The following CDH13 variants were observed in gnomAD, a reference collection of about 807,000 sequenced individuals.
CDH13 encodes cadherin-13.
In CDH13, 24 loss-of-function variants were observed where a neutral mutation model predicts 63.8. The ratio of observed to expected loss-of-function variants is 0.38; its 90% CI spans 0.27 to 0.53. CDH13 has a LOEUF of 0.53. CDH13 is among the 20% of genes least tolerant of loss of function. CDH13 has a pLI of 0.85. For missense variants in CDH13, 1,049 were observed against 903.1 expected (o/e 1.16, Z -2.07); for synonymous variants, 503 against 355.3 (o/e 1.42, Z -4.67).
At chr16:82,814,598 C>T (rs1364631873) in intron 1 of CDH13, among the ~76,000 whole-genome samples, 1 of 152,146 alleles carries the variant, frequency 6.6e-6, no homozygotes, top group East Asian at 1.9e-4. Context: ...CATACCTTTC[C>T]ACATACCTTT....
At chr16:83,608,216 A>T (rs1228656880) in intron 8 of CDH13, among the ~76,000 whole-genome samples, 1 of 152,234 alleles carries the variant, frequency 6.6e-6, no homozygotes, top group Non-Finnish European at 1.5e-5. Context: ...TAACATTATC[A>T]TACCTATAAT....
chr16:82,946,885 G>A (rs1904780605), intron 2 of CDH13, among the ~76,000 whole-genome samples: 1 of 152,098 alleles, frequency 6.6e-6, no homozygotes, highest in South Asian at 2.1e-4. Context: ...AGTGTTTTAA[G>A]CAGAATCTGC....
intron 1 of CDH13, among the ~76,000 whole-genome samples, chr16:82,820,557 T>G (rs940484880): frequency 9.2e-5 from 14 of 152,190 alleles, no homozygotes; most frequent in African/African-American, 3.1e-4. Flanking sequence ...CAGTTATTTT[T>G]AGAGCCCAGG....
chr16:83,298,316 A>G (rs1026622365), intron 5 of CDH13, among the ~76,000 whole-genome samples: 1 of 152,164 alleles, frequency 6.6e-6, no homozygotes, highest in African/African-American at 2.4e-5. Context: ...GGGAGGGAAC[A>G]TCAGTGCAGG....
chr16:83,159,453 G>A (rs369782502), intron 4 of CDH13, among the ~76,000 whole-genome samples: 13 of 152,132 alleles, frequency 8.5e-5, no homozygotes, highest in Non-Finnish European at 1.5e-4. Flanking sequence ...GTCTTGTGGC[G>A]TTTATTCTTT....
chr16:83,698,504 T>G (rs1297779013), intron 10 of CDH13, among the ~76,000 whole-genome samples: 4 of 152,222 alleles, frequency 2.6e-5, no homozygotes, highest in Non-Finnish European at 5.9e-5. Flanking sequence ...CTCAAGACAC[T>G]GCTTTCTTGG....
intron 1 of CDH13, among the ~76,000 whole-genome samples, chr16:82,830,546 G>C (rs978384180): frequency 3.3e-5 from 5 of 152,286 alleles, no homozygotes; most frequent in Admixed American, 2.0e-4. Flanking sequence ...TGAATGGTGA[G>C]GGGTGGGAGC....
At chr16:82,961,544 T>C (rs1465849718) in intron 2 of CDH13, among the ~76,000 whole-genome samples, 1 of 147,056 alleles carries the variant, frequency 6.8e-6, no homozygotes. Context: ...ATTCACAGTC[T>C]TTTGTCCATA....
At chr16:83,327,801 G>A (rs1334458157) in intron 5 of CDH13, among the ~76,000 whole-genome samples, 4 of 152,190 alleles carry the variant, frequency 2.6e-5, no homozygotes, top group African/African-American at 9.7e-5. Flanking sequence ...AGTCTTATAG[G>A]TGAGGAACCA....
intron 10 of CDH13, among the ~76,000 whole-genome samples, chr16:83,743,730 T>C (rs1382250134): frequency 4.8e-5 from 7 of 145,364 alleles, no homozygotes; most frequent in African/African-American, 1.5e-4. Context: ...ACCTGATGAG[T>C]TGCCTTTTTT....
chr16:82,780,133 G>A (rs1447166351), intron 1 of CDH13, among the ~76,000 whole-genome samples: 2 of 152,082 alleles, frequency 1.3e-5, no homozygotes, highest in East Asian at 1.9e-4. Context: ...AGAGACTTCT[G>A]CTCCCTTGTT....
intron 6 of CDH13, among the ~76,000 whole-genome samples, chr16:83,411,724 C>G (rs2092129111): frequency 6.6e-6 from 1 of 152,096 alleles, no homozygotes; most frequent in Admixed American, 6.6e-5. Context: ...GTGTTTCACA[C>G]AGAGTAGGCA....
intron 6 of CDH13, among the ~76,000 whole-genome samples, chr16:83,482,786 G>A (rs1459424222): frequency 1.3e-5 from 2 of 152,192 alleles, no homozygotes; most frequent in African/African-American, 2.4e-5. Context: ...GATATCCACA[G>A]TAGAAACCCA....
At chr16:83,485,446 T>C (rs1462810853) in intron 6 of CDH13, among the ~76,000 whole-genome samples, 1 of 152,254 alleles carries the variant, frequency 6.6e-6, no homozygotes, top group Non-Finnish European at 1.5e-5. Flanking sequence ...CCTATTTGTA[T>C]GACTCTTGCT....
chr16:83,655,780 T>C lies in CDH13; in HGVS notation c.1102-15010T>C, dbSNP rs181779123. On this transcript the variant is annotated intron_variant, in intron 8 of 13. Transcript: ENST00000567109. The stretch of plus-strand genomic sequence containing the variant: ...ATGTAGCAGGTGTTCAGTGGCTTCA[T>C]TGAATCAATGAATCATGTTTAAATT... 1.9e-4 allele frequency among the ~76,000 whole-genome samples: 29 copies of C among 152,306 alleles called. No homozygotes were observed. The East Asian group carries it at 2.3e-3, about 12-fold the overall frequency.
intron 11 of CDH13, among the ~76,000 whole-genome samples, chr16:83,777,903 A>C (rs1008548476): frequency 6.6e-6 from 1 of 152,376 alleles, no homozygotes; most frequent in South Asian, 2.1e-4. Context: ...CATAGGTTAG[A>C]TTAGTACTGT....
intron 10 of CDH13, among the ~76,000 whole-genome samples, chr16:83,727,990 G>A (rs1386726791): frequency 6.6e-6 from 1 of 152,306 alleles, no homozygotes; most frequent in East Asian, 1.9e-4. Flanking sequence ...GAGGGAAGGC[G>A]CTTTGCTTTT....
At chr16:83,081,081 A>G (rs1408288092) in intron 3 of CDH13, among the ~76,000 whole-genome samples, 1 of 151,588 alleles carries the variant, frequency 6.6e-6, no homozygotes, top group Admixed American at 6.6e-5. Context: ...GGGTTTCTCC[A>G]TGTTGGTCAG....
chr16:83,300,686 T>G (rs1380064267), intron 5 of CDH13, among the ~76,000 whole-genome samples: 1 of 152,244 alleles, frequency 6.6e-6, no homozygotes, highest in African/African-American at 2.4e-5. Context: ...CAATTAAATC[T>G]TACATAAAAT....
Sources: gnomAD v4.1 joint callset for allele counts (sites outside exome capture counted in the v4.1 genomes callset) on GRCh38, gnomAD v4.1.1 for gene constraint, MANE v1.5 for transcripts, NCBI Gene and HGNC (gene_info 2026-07-23, HGNC 2026-07-21) for gene names.